The following SPOCK3 variants were observed in gnomAD, a reference collection of about 807,000 sequenced individuals.
SPOCK3 encodes the protein testican-3.
Under a neutral mutation model 56.6 loss-of-function variants are expected in SPOCK3, and 30 were observed. That is an observed-to-expected ratio of 0.53 (90% CI 0.40 to 0.72). The LOEUF is 0.72. Ranked by LOEUF, SPOCK3 falls within the 30% of genes least tolerant of loss-of-function variation. SPOCK3 has a pLI of 0.00. For synonymous variants in SPOCK3, 196 were observed against 183.3 expected, an observed-to-expected ratio of 1.07 and a Z score of -0.56; for missense variants, 527 against 530.0, an observed-to-expected ratio of 0.99 and a Z score of 0.06.
intron 3 of SPOCK3, among the ~76,000 whole-genome samples, chr4:167,056,829 C>T (rs6813192): frequency 0.58 from 87,928 of 151,972 alleles, 26,585 homozygotes; most frequent in East Asian, 0.79. Context: ...CTAAAAGTGA[C>T]GGGGAGAATA....
chr4:167,059,151 G>C (rs1208364042), intron 3 of SPOCK3, among the ~76,000 whole-genome samples: 1 of 152,036 alleles, frequency 6.6e-6, no homozygotes, highest in Non-Finnish European at 1.5e-5. Context: ...ATTGACAAAT[G>C]GGATCTAATT....
chr4:166,896,674 G>C (rs1735420962), intron 5 of SPOCK3, among the ~76,000 whole-genome samples: 1 of 152,138 alleles, frequency 6.6e-6, no homozygotes, highest in East Asian at 1.9e-4. Flanking sequence ...AATCCAATGT[G>C]TCAACATTCT....
chr4:166,762,649 A>C (rs897846917), intron 7 of SPOCK3, among the ~76,000 whole-genome samples: 2 of 152,112 alleles, frequency 1.3e-5, no homozygotes, highest in Non-Finnish European at 1.5e-5. Context: ...AACTGAGCAG[A>C]ATACCAGGAG....
intron 2 of SPOCK3, among the ~76,000 whole-genome samples, chr4:167,088,230 A>G (rs1287641232): frequency 6.6e-6 from 1 of 152,240 alleles, no homozygotes; most frequent in South Asian, 2.1e-4. Flanking sequence ...TCTGGGCTCA[A>G]CCTTCAGAGG....
chr4:166,997,108 G>C (rs112286886), intron 4 of SPOCK3, among the ~76,000 whole-genome samples: 1 of 151,706 alleles, frequency 6.6e-6, no homozygotes, highest in Non-Finnish European at 1.5e-5. Flanking sequence ...AGAGCTGAAC[G>C]ATGAGAACAC....
At chr4:167,140,771 G>A (rs971671666) in intron 2 of SPOCK3, among the ~76,000 whole-genome samples, 2 of 151,854 alleles carry the variant, frequency 1.3e-5, no homozygotes, top group Non-Finnish European at 2.9e-5. Context: ...CTCAGCCCAC[G>A]GTCTGTTCTT....
chr4:167,182,696 C>A (rs760833547), intron 2 of SPOCK3, among the ~76,000 whole-genome samples: 1 of 151,928 alleles, frequency 6.6e-6, no homozygotes, highest in Admixed American at 6.6e-5. Context: ...CGCCACTATG[C>A]CTGGCCAATT....
In SPOCK3 at chr4:166,965,298, TTCTC is replaced by T; in HGVS notation, c.350+35047_350+35050del. Among the ~76,000 whole-genome samples, 6 of 152,002 alleles carry T rather than the reference TTCTC, an allele frequency of 3.9e-5. 1 individual carries two copies. The South Asian group carries it at 1.2e-3, about 32-fold the overall frequency. On this transcript the variant is annotated intron_variant, in intron 4 of 10. Coordinates refer to ENST00000357545, the MANE Select transcript of SPOCK3 (RefSeq NM_001040159.2). ...GTTGTTTTCATGGCTGTATTTATCT[TTCTC>T]TCTCTCTTTCTTTCCTTACCCTCTC...
At chr4:167,097,916 C>A (rs888588376) in intron 2 of SPOCK3, among the ~76,000 whole-genome samples, 1 of 151,846 alleles carries the variant, frequency 6.6e-6, no homozygotes, top group African/African-American at 2.4e-5. Context: ...CAGCTGGGGC[C>A]CATTATTCTA....
At chr4:166,818,152 T>C (rs890721025) in intron 6 of SPOCK3, among the ~76,000 whole-genome samples, 5 of 151,972 alleles carry the variant, frequency 3.3e-5, no homozygotes, top group African/African-American at 1.2e-4. Flanking sequence ...CTGTTCCTCA[T>C]CTAAGTCACT....
chr4:166,972,507 G>A (rs1259671659), intron 4 of SPOCK3, among the ~76,000 whole-genome samples: 1 of 150,952 alleles, frequency 6.6e-6, no homozygotes, highest in Non-Finnish European at 1.5e-5. Flanking sequence ...CTCTCAGAGG[G>A]GAGAAAAAGA....
At chr4:166,962,988 C>G (rs998788297) in intron 4 of SPOCK3, among the ~76,000 whole-genome samples, 1 of 152,030 alleles carries the variant, frequency 6.6e-6, no homozygotes, top group Non-Finnish European at 1.5e-5. Flanking sequence ...TGAATAAATG[C>G]CATTCCTTTT....
intron 7 of SPOCK3, among the ~76,000 whole-genome samples, chr4:166,791,844 A>C (rs1001284686): frequency 6.6e-6 from 1 of 151,768 alleles, no homozygotes; most frequent in African/African-American, 2.4e-5. Flanking sequence ...AAATCTAAGT[A>C]CTCCAATTTT....
chr4:167,219,932 T>C (rs930676743), intron 2 of SPOCK3, among the ~76,000 whole-genome samples: 2 of 152,146 alleles, frequency 1.3e-5, no homozygotes, highest in African/African-American at 4.8e-5. Flanking sequence ...TCAAAATATA[T>C]GTAGACAACA....
intron 2 of SPOCK3, among the ~76,000 whole-genome samples, chr4:167,216,383 A>T (rs1184332473): frequency 6.6e-6 from 1 of 152,140 alleles, no homozygotes; most frequent in Admixed American, 6.6e-5. Flanking sequence ...TGGGAAAAAA[A>T]ATAATTGATC....
chr4:166,802,408 A>C (rs72635169), intron 6 of SPOCK3, among the ~76,000 whole-genome samples: 39,549 of 152,088 alleles, frequency 0.26, 6,415 homozygotes, highest in East Asian at 0.73. Context: ...GGCTTATAAA[A>C]AGAAATATAT....
At chr4:166,829,217 C>T (rs777804493) in intron 6 of SPOCK3, among the ~76,000 whole-genome samples, 1 of 151,850 alleles carries the variant, frequency 6.6e-6, no homozygotes, top group African/African-American at 2.4e-5. Flanking sequence ...TAACATGGCT[C>T]GACACATCCA....
chr4:167,220,169 A>G (rs920908304), intron 2 of SPOCK3, among the ~76,000 whole-genome samples: 1 of 152,154 alleles, frequency 6.6e-6, no homozygotes, highest in Non-Finnish European at 1.5e-5. Context: ...TATGATAGTA[A>G]GTTGTGAATC....
chr4:167,135,083 T>C (rs1479870516), intron 2 of SPOCK3, among the ~76,000 whole-genome samples: 3 of 149,786 alleles, frequency 2.0e-5, no homozygotes, highest in Non-Finnish European at 4.4e-5. Context: ...TAAATATATA[T>C]ATAAAATATG....
Sources: allele counts gnomAD v4.1 joint callset (sites outside exome capture counted in the v4.1 genomes callset), GRCh38; gene constraint gnomAD v4.1.1; transcripts MANE v1.5; gene names NCBI Gene and HGNC (gene_info 2026-07-23, HGNC 2026-07-21).